The following SLC35F1 variants were observed in gnomAD, a reference collection of about 807,000 sequenced individuals.
SLC35F1 encodes the protein solute carrier family 35 member F1.
In SLC35F1, 14 loss-of-function variants were observed where a neutral mutation model predicts 48.7. That is an observed-to-expected ratio of 0.29 (90% CI 0.19 to 0.45). The LOEUF (loss-of-function observed/expected upper bound fraction) is 0.45, where lower values mean the gene tolerates loss of function less well. SLC35F1 is among the 20% of genes least tolerant of loss of function. The pLI is 1.00. For synonymous variants in SLC35F1, 190 were observed against 202.2 expected (o/e 0.94, Z 0.51); for missense variants, 404 against 500.0 (o/e 0.81, Z 1.83).
chr6:118,235,369 T>G, intron 2 of SLC35F1, 140 bp from the exon 3 acceptor site: 1 of 857,220 alleles, frequency 1.2e-6, no homozygotes, highest in Non-Finnish European at 1.7e-6. Flanking sequence ...GGGTATCTGA[T>G]ACGTTGATTT....
intron 1 of SLC35F1, among the ~76,000 whole-genome samples, chr6:117,968,643 TG>T (rs1215275336): frequency 6.6e-6 from 1 of 152,218 alleles, no homozygotes; most frequent in Non-Finnish European, 1.5e-5. Flanking sequence ...AGAAGTGGTT[TG>T]GGATATCTAA....
intron 1 of SLC35F1, among the ~76,000 whole-genome samples, chr6:118,107,359 C>T (rs551580092): frequency 6.6e-6 from 1 of 152,296 alleles, no homozygotes; most frequent in Non-Finnish European, 1.5e-5. Context: ...AACTTCCAAA[C>T]TCTTTTCTCC....
chr6:118,289,272 A>G (rs1385578227), intron 7 of SLC35F1, among the ~76,000 whole-genome samples: 1 of 152,172 alleles, frequency 6.6e-6, no homozygotes, highest in Non-Finnish European at 1.5e-5. Context: ...GGGCATCTCT[A>G]CTTTTGACTA....
chr6:118,002,466 G>C (rs1215880754), intron 1 of SLC35F1, among the ~76,000 whole-genome samples: 1 of 151,784 alleles, frequency 6.6e-6, no homozygotes, highest in Non-Finnish European at 1.5e-5. Context: ...TAGGGGGAGG[G>C]GGAGGGATAG....
At chr6:118,237,003 A>G (rs1775373901) in intron 3 of SLC35F1, among the ~76,000 whole-genome samples, 1 of 151,940 alleles carries the variant, frequency 6.6e-6, no homozygotes, top group Admixed American at 6.6e-5. Context: ...TTTCTTTTTC[A>G]TCCTCTCCAA....
chr6:118,289,776 G>A (rs1776096773), intron 7 of SLC35F1, among the ~76,000 whole-genome samples: 1 of 152,130 alleles, frequency 6.6e-6, no homozygotes, highest in African/African-American at 2.4e-5. Flanking sequence ...AAGAAAGCGA[G>A]ATCCTGATTA....
intron 1 of SLC35F1, among the ~76,000 whole-genome samples, chr6:118,004,064 GTTA>G (rs1777142334): frequency 6.6e-6 from 1 of 152,140 alleles, no homozygotes; most frequent in Non-Finnish European, 1.5e-5. Flanking sequence ...CTAAGATATT[GTTA>G]TTATTTATCA....
intron 1 of SLC35F1, among the ~76,000 whole-genome samples, chr6:118,087,136 G>A (rs938772502): frequency 6.6e-6 from 1 of 152,096 alleles, no homozygotes; most frequent in African/African-American, 2.4e-5. Flanking sequence ...GTTCTGGAGG[G>A]TAGAAGTTCT....
chr6:118,147,532 G>A (rs1188694389), intron 1 of SLC35F1, among the ~76,000 whole-genome samples: 1 of 152,108 alleles, frequency 6.6e-6, no homozygotes, highest in Non-Finnish European at 1.5e-5. Context: ...ATACACACGT[G>A]TCAATCATCA....
chr6:118,127,939 A>G (rs1247167845), intron 1 of SLC35F1, among the ~76,000 whole-genome samples: 1 of 152,246 alleles, frequency 6.6e-6, no homozygotes, highest in Non-Finnish European at 1.5e-5. Flanking sequence ...TCCAGAATCT[A>G]CAAAGAACTG....
intron 1 of SLC35F1, among the ~76,000 whole-genome samples, chr6:118,119,473 C>T (rs1328630794): frequency 2.1e-5 from 3 of 146,280 alleles, no homozygotes; most frequent in Admixed American, 2.0e-4. Flanking sequence ...CTGATTTTTA[C>T]ATGATGCAGT....
intron 4 of SLC35F1, among the ~76,000 whole-genome samples, chr6:118,274,645 G>A (rs1004939433): frequency 1.6e-4 from 24 of 152,150 alleles, no homozygotes; most frequent in African/African-American, 4.8e-4. Flanking sequence ...TGATCCACCC[G>A]CCTCGGCCTC....
intron 1 of SLC35F1, among the ~76,000 whole-genome samples, chr6:118,066,587 G>A (rs188786754): frequency 3.3e-4 from 50 of 152,212 alleles, no homozygotes; most frequent in Admixed American, 2.6e-3. Context: ...CTATGCCTGG[G>A]CTCTTGATCC....
At chr6:118,112,428 G>C (rs1412705930) in intron 1 of SLC35F1, among the ~76,000 whole-genome samples, 1 of 152,068 alleles carries the variant, frequency 6.6e-6, no homozygotes, top group African/African-American at 2.4e-5. Context: ...TACCTAGGGT[G>C]GATATATTCC....
intron 1 of SLC35F1, among the ~76,000 whole-genome samples, chr6:118,008,316 T>C (rs762029549): frequency 6.6e-5 from 10 of 151,920 alleles, no homozygotes; most frequent in Non-Finnish European, 1.2e-4. Flanking sequence ...ATTGTATTTA[T>C]AGGCTCCACC....
chr6:118,195,506 AT>A (rs61332125), intron 2 of SLC35F1, among the ~76,000 whole-genome samples: 3 of 151,330 alleles, frequency 2.0e-5, no homozygotes, highest in South Asian at 4.2e-4. Flanking sequence ...TTAGCCAATG[AT>A]TTTTTTTTCC....
chr6:118,054,409 T>C lies in SLC35F1; in HGVS notation c.174-100036T>C, dbSNP rs192272489. On this transcript the variant is annotated intron_variant, in intron 1 of 7. Transcript: ENST00000360388. ...CATATATCATAATGCAATTTCAGAA[T>C]GTTTATTGATTGTATGATTGAAATA... 1.2e-3 allele frequency among the ~76,000 whole-genome samples: 186 copies of C among 152,344 alleles called. 2 individuals are homozygous for C. The highest frequency in any genetic ancestry group is 0.01 in the Middle Eastern group (3 of 294).
At chr6:117,986,879 C>A (rs1776854820) in intron 1 of SLC35F1, among the ~76,000 whole-genome samples, 1 of 152,270 alleles carries the variant, frequency 6.6e-6, no homozygotes, top group Admixed American at 6.5e-5. Context: ...TGTGTTGGGC[C>A]TCTTAGGCTT....
At position 118,251,405 on chromosome 6, in the gene SLC35F1, A is replaced by G. The variant is rs542253332; in HGVS notation, c.478-15590A>G. On this transcript the variant is annotated intron_variant, in intron 3 of 7. Coordinates refer to ENST00000360388, the MANE Select transcript of SLC35F1 (RefSeq NM_001029858.4). Reference sequence around the variant, plus strand: ...TCAAGTGCCCAATACAATACTGTTAACTATAGGCAAATGTTGTACAACAAA... The same window carrying G: ...TCAAGTGCCCAATACAATACTGTTAGCTATAGGCAAATGTTGTACAACAAA... Among the ~76,000 whole-genome samples the G allele has an allele frequency of 8.5e-5, 13 of 152,318 alleles. No individual in the cohort carries two copies. In the East Asian group the frequency reaches 2.5e-3, roughly 29 times the overall value.
Sources: gnomAD v4.1 joint callset for allele counts (sites outside exome capture counted in the v4.1 genomes callset) on GRCh38, gnomAD v4.1.1 for gene constraint, MANE v1.5 for transcripts, NCBI Gene and HGNC (gene_info 2026-07-23, HGNC 2026-07-21) for gene names.